GPM6A: variants seen among roughly 807,000 people sequenced by gnomAD.
The protein encoded by GPM6A is neuronal membrane glycoprotein M6-a.
A neutral mutation model predicts 32.1 loss-of-function variants in GPM6A; 7 were observed. The ratio of observed to expected loss-of-function variants is 0.22; its 90% CI spans 0.12 to 0.41. GPM6A has a LOEUF of 0.41. GPM6A is among the 10% of genes least tolerant of loss of function. GPM6A has a pLI of 1.00. For synonymous variants in GPM6A, 130 were observed against 123.4 expected (o/e 1.05, Z -0.35); for missense variants, 235 against 347.2 (o/e 0.68, Z 2.57).
At chr4:175,928,775 T>A (rs1738930090) in intron 1 of GPM6A, among the ~76,000 whole-genome samples, 1 of 152,244 alleles carries the variant, frequency 6.6e-6, no homozygotes, top group Admixed American at 6.5e-5. Context: ...GAATCTTTAT[T>A]CATCACATTT....
chr4:175,893,031 G>A (rs1482314596), intron 1 of GPM6A, among the ~76,000 whole-genome samples: 1 of 152,124 alleles, frequency 6.6e-6, no homozygotes, highest in East Asian at 1.9e-4. Context: ...CACTATCTAA[G>A]CTTTTATTCT....
intron 1 of GPM6A, among the ~76,000 whole-genome samples, chr4:175,937,700 T>A (rs1227233225): frequency 6.6e-6 from 1 of 152,162 alleles, no homozygotes; most frequent in Non-Finnish European, 1.5e-5. Flanking sequence ...ACTATTCTAT[T>A]TTATATATTT....
chr4:175,729,642 T>C (rs1164347199), intron 1 of GPM6A, among the ~76,000 whole-genome samples: 1 of 151,744 alleles, frequency 6.6e-6, no homozygotes, highest in Non-Finnish European at 1.5e-5. Context: ...AGGTGATGGA[T>C]ACCCTACTTA....
At chr4:175,678,828 AT>A (rs1216705214) in intron 2 of GPM6A, among the ~76,000 whole-genome samples, 1 of 152,194 alleles carries the variant, frequency 6.6e-6, no homozygotes, top group Non-Finnish European at 1.5e-5. Flanking sequence ...ACATATTTTA[AT>A]TTTTTATTTG....
chr4:175,809,803 A>G (rs1416085329), intron 1 of GPM6A, among the ~76,000 whole-genome samples: 1 of 152,216 alleles, frequency 6.6e-6, no homozygotes, highest in Non-Finnish European at 1.5e-5. Context: ...TTAAACACCA[A>G]GTATATATAT....
intron 1 of GPM6A, among the ~76,000 whole-genome samples, chr4:175,720,903 G>T (rs1746082157): frequency 6.6e-6 from 1 of 151,678 alleles, no homozygotes; most frequent in African/African-American, 2.4e-5. Context: ...GCTGTAACTG[G>T]TCGCTGCTGA....
chr4:176,002,035 A>T (rs1741499200), intron 1 of GPM6A, among the ~76,000 whole-genome samples: 1 of 152,038 alleles, frequency 6.6e-6, no homozygotes, highest in Admixed American at 6.5e-5. Context: ...GGCGCAGAGG[A>T]TCAGCGCCCA....
chr4:175,893,514 C>A lies in GPM6A; in HGVS notation c.-22-81265G>T, dbSNP rs184570535. ...GACCTTACTCTGATCAGCCTCCCTC[C>A]TGGCCTCCCTTAAGCTGACTGCCTT... On this transcript the variant is annotated intron_variant, in intron 1 of 7. Coordinates refer to the GPM6A transcript ENST00000280187. Among the ~76,000 whole-genome samples, 148 of 152,248 alleles carry A rather than the reference C, an allele frequency of 9.7e-4. 1 individual carries two copies. Among genetic ancestry groups the A allele is most frequent in the African/African-American group, 3.5e-3 (144 of 41,544 alleles).
intron 2 of GPM6A, among the ~76,000 whole-genome samples, chr4:175,696,873 T>C (rs1744609675): frequency 6.6e-6 from 1 of 152,274 alleles, no homozygotes; most frequent in African/African-American, 2.4e-5. Context: ...ACAAGCAAAC[T>C]TAGAGATATA....
At chr4:175,824,722 A>C (rs2132340) in intron 1 of GPM6A, among the ~76,000 whole-genome samples, 126,714 of 152,052 alleles carry the variant, frequency 0.83, 54,153 homozygotes, top group Middle Eastern at 0.95. Context: ...TATTTAACAA[A>C]TATTTGTGTG....
intron 2 of GPM6A, among the ~76,000 whole-genome samples, chr4:175,694,495 C>T (rs1214778348): frequency 6.6e-6 from 1 of 152,044 alleles, no homozygotes; most frequent in Non-Finnish European, 1.5e-5. Context: ...AAGAGGTTGG[C>T]CACATTATGT....
intron 1 of GPM6A, among the ~76,000 whole-genome samples, chr4:175,923,183 T>A (rs943141900): frequency 2.7e-5 from 4 of 147,970 alleles, no homozygotes; most frequent in African/African-American, 9.9e-5. Context: ...TCAAAGACAA[T>A]CTTTATAGTC....
intron 1 of GPM6A, among the ~76,000 whole-genome samples, chr4:175,769,261 T>C (rs1733094340): frequency 6.6e-6 from 1 of 152,190 alleles, no homozygotes; most frequent in African/African-American, 2.4e-5. Context: ...AGATTTCAAA[T>C]GAGTAGCAAT....
At chr4:175,972,986 T>C (rs773765438) in intron 1 of GPM6A, among the ~76,000 whole-genome samples, 37 of 152,186 alleles carry the variant, frequency 2.4e-4, no homozygotes, top group Non-Finnish European at 5.3e-4. Context: ...ATGACGATCA[T>C]CTATGTCCAT....
chr4:175,950,315 A>T (rs1033853821), intron 1 of GPM6A, among the ~76,000 whole-genome samples: 9 of 152,164 alleles, frequency 5.9e-5, no homozygotes, highest in African/African-American at 2.2e-4. Flanking sequence ...CAATTTTTTT[A>T]CATTATTTTA....
intron 3 of GPM6A, among the ~76,000 whole-genome samples, chr4:175,671,964 A>G (rs1743099446): frequency 6.7e-6 from 1 of 149,094 alleles, no homozygotes; most frequent in Non-Finnish European, 1.5e-5. Flanking sequence ...GGGACTGGTG[A>G]CACAATTGTT....
chr4:175,726,386 G>A (rs918346765), intron 1 of GPM6A, among the ~76,000 whole-genome samples: 1 of 152,108 alleles, frequency 6.6e-6, no homozygotes, highest in Non-Finnish European at 1.5e-5. Flanking sequence ...AAGTCTCTTA[G>A]AAAAACTCCT....
intron 1 of GPM6A, among the ~76,000 whole-genome samples, chr4:175,902,811 C>T (rs889152901): frequency 2.0e-5 from 3 of 152,144 alleles, no homozygotes; most frequent in Admixed American, 1.3e-4. Flanking sequence ...CTTAACGTCA[C>T]GCTGGTGTGT....
intron 3 of GPM6A, among the ~76,000 whole-genome samples, chr4:175,665,405 T>TA (rs1182678875): frequency 6.6e-6 from 1 of 150,676 alleles, no homozygotes. Context: ...AACAGATCCT[T>TA]AAAAAAAAAT....
Sources: allele counts gnomAD v4.1 joint callset (sites outside exome capture counted in the v4.1 genomes callset), GRCh38; gene constraint gnomAD v4.1.1; transcripts MANE v1.5; gene names NCBI Gene and HGNC (gene_info 2026-07-23, HGNC 2026-07-21).